MACIR: variants seen among roughly 807,000 people sequenced by gnomAD.
MACIR encodes UNC119-binding protein C5orf30.
Under a neutral mutation model 14.3 loss-of-function variants are expected in MACIR, and 4 were observed. The ratio of observed to expected loss-of-function variants is 0.28; its 90% CI spans 0.14 to 0.64. MACIR has a LOEUF of 0.64. Among genes scored for constraint, MACIR ranks in the 30% least tolerant of loss-of-function variants. The probability of loss-of-function intolerance (pLI) is 0.83; values close to 1 mark genes in which losing one functional copy is unlikely to be tolerated. For missense variants in MACIR, 228 were observed against 257.6 expected, an observed-to-expected ratio of 0.89 and a Z score of 0.79; for synonymous variants, 101 against 102.4, an observed-to-expected ratio of 0.99 and a Z score of 0.08.
At chr5:103,259,215 C>T in intron 1 of MACIR, 1 of 152,378 alleles carries the variant, frequency 6.6e-6, no homozygotes, top group Non-Finnish European at 1.5e-5. Flanking sequence ...GCGCGGGGTG[C>T]GGGGAGCTTG....
At chr5:103,261,638 T>TTTC (rs1804689234) in intron 1 of MACIR, among the ~76,000 whole-genome samples, 29 of 96,746 alleles carry the variant, frequency 3.0e-4, no homozygotes, top group Admixed American at 3.2e-4. Context: ...CTGTTTTTCT[T>TTTC]TTTCTTTCTT....
chr5:103,276,208 G>A lies in MACIR; in HGVS notation c.289G>A (p.Asp97Asn). The change falls in exon 3 of 3, where the codon GAT (aspartate) becomes AAT (asparagine). Residue 97 changes from aspartate to asparagine, a missense_variant. Asp to Asn is a conservative substitution (Grantham distance 23, BLOSUM62 1). Transcript: ENST00000319933. ...GCCATCCTTACGCTCCAAACAGCTA[G>A]ATGCAGGACTTGCCCGTTCCTCTCG... is the stretch of plus-strand genomic sequence containing the variant. ...AMPSLRSKQL[D>N]AGLARSSRLY... 1 of 1,613,666 alleles carries A rather than the reference G, an allele frequency of 6.2e-7. No homozygotes were observed. The highest frequency in any genetic ancestry group is 2.2e-5 in the East Asian group (1 of 44,868).
chr5:103,260,335 A>C (rs1554236133), intron 1 of MACIR, among the ~76,000 whole-genome samples: 1 of 152,074 alleles, frequency 6.6e-6, no homozygotes, highest in African/African-American at 2.4e-5. Context: ...ACCCTTTTGC[A>C]AAGTTTATTT....
intron 2 of MACIR, among the ~76,000 whole-genome samples, chr5:103,269,017 A>G (rs1805030055): frequency 2.0e-5 from 3 of 152,036 alleles, no homozygotes; most frequent in Non-Finnish European, 2.9e-5. Context: ...ACCAGCCTGG[A>G]CAACATAGTG....
intron 2 of MACIR, among the ~76,000 whole-genome samples, chr5:103,275,023 G>A (rs75563805): frequency 0.035 from 5,347 of 152,010 alleles, 287 homozygotes; most frequent in African/African-American, 0.12. Context: ...TGTAATAATC[G>A]TAAGGAACAA....
intron 2 of MACIR, among the ~76,000 whole-genome samples, chr5:103,271,569 G>A (rs1017609595): frequency 4.6e-5 from 7 of 152,016 alleles, no homozygotes; most frequent in African/African-American, 1.2e-4. Flanking sequence ...TTGGATCCAC[G>A]TAAATTTCAG....
At chr5:103,268,030 T>G (rs1554236865) in intron 2 of MACIR, among the ~76,000 whole-genome samples, 1 of 152,222 alleles carries the variant, frequency 6.6e-6, no homozygotes, top group African/African-American at 2.4e-5. Context: ...ACTTCATTGC[T>G]GAGTGGTATC....
At chr5:103,269,119 G>T (rs1285547904) in intron 2 of MACIR, among the ~76,000 whole-genome samples, 2 of 152,028 alleles carry the variant, frequency 1.3e-5, no homozygotes, top group East Asian at 3.9e-4. Context: ...GACGTGGGAG[G>T]ATCGCTTGAG....
intron 1 of MACIR, among the ~76,000 whole-genome samples, chr5:103,265,327 T>G (rs1554236660): frequency 1.3e-5 from 2 of 152,156 alleles, no homozygotes; most frequent in African/African-American, 4.8e-5. Context: ...ATTAATTGCA[T>G]AATAATAGCA....
At chr5:103,270,604 T>A (rs1805090560) in intron 2 of MACIR, among the ~76,000 whole-genome samples, 1 of 151,876 alleles carries the variant, frequency 6.6e-6, no homozygotes. Flanking sequence ...GTTATTGAGG[T>A]AAGAAAAAGA....
In MACIR at chr5:103,276,297, G is replaced by A. The variant is rs782168211; in HGVS notation, c.378G>A (p.Arg126=). ...AGATTCCAGCTGTCAATGGCAGGAGGCGAAGGCGGATGCCAAGCTCAGGAG... is the reference window on the plus strand; with the variant it reads ...AGATTCCAGCTGTCAATGGCAGGAGACGAAGGCGGATGCCAAGCTCAGGAG... The part of the protein sequence containing the change: ...PYEIPAVNGR[R]RRRMPSSGDK... Residue 126 remains arginine, a synonymous_variant, in exon 3 of 3, where the codon AGG becomes AGA. Coordinates refer to ENST00000319933, the MANE Select transcript of MACIR (RefSeq NM_033211.4). 6.2e-7 allele frequency: 1 copy of A among 1,612,496 alleles called. No homozygotes were observed. The highest frequency in any genetic ancestry group is 8.5e-7 in the Non-Finnish European group (1 of 1,179,788).
chr5:103,261,702 CTTCCTTTCTTTCTTT>C (rs1804729127), intron 1 of MACIR, among the ~76,000 whole-genome samples: 1 of 100,760 alleles, frequency 9.9e-6, no homozygotes, highest in South Asian at 2.8e-4. Flanking sequence ...TTCTTTCTTT[CTTCCTTTCTTTCTTT>C]CTTTCTTTCT....
intron 2 of MACIR, among the ~76,000 whole-genome samples, chr5:103,271,358 C>T (rs78626333): frequency 0.011 from 1,745 of 152,192 alleles, 35 homozygotes; most frequent in African/African-American, 0.04. Context: ...GTATTCAGAC[C>T]TATGCAGATT....
intron 2 of MACIR, among the ~76,000 whole-genome samples, chr5:103,267,992 T>A (rs532630196): frequency 6.6e-6 from 1 of 152,218 alleles, no homozygotes; most frequent in Non-Finnish European, 1.5e-5. Context: ...GTCTGCTTCT[T>A]TCACTTAATG....
At chr5:103,274,910 C>G (rs1406621253) in intron 2 of MACIR, among the ~76,000 whole-genome samples, 1 of 152,094 alleles carries the variant, frequency 6.6e-6, no homozygotes, top group East Asian at 1.9e-4. Context: ...GTCACTATTT[C>G]CCTTAGTATT....
chr5:103,263,413 C>T (rs550359960), intron 1 of MACIR, among the ~76,000 whole-genome samples: 1 of 152,230 alleles, frequency 6.6e-6, no homozygotes, highest in South Asian at 2.1e-4. Context: ...TCAGTTACTA[C>T]TCTTTGTTTA....
At chr5:103,263,382 G>A (rs372898863) in intron 1 of MACIR, among the ~76,000 whole-genome samples, 1 of 152,126 alleles carries the variant, frequency 6.6e-6, no homozygotes, top group East Asian at 1.9e-4. Context: ...TTTTGGCTTG[G>A]CACTGGCATA....
In MACIR at chr5:103,276,432, CAATCTAGATAA is replaced by C; in HGVS notation, c.517_527del (p.Leu173AspfsTer6). ...CTCACTCCAAATCTCTGGACTACCT[CAATCTAGATAA>C]AATGATCAAGGAGCCAGCTGATACA... On this transcript the variant is annotated frameshift_variant, in exon 3 of 3. Coordinates refer to ENST00000319933, the MANE Select transcript of MACIR (RefSeq NM_033211.4). LOFTEE classifies it high-confidence loss of function. The C allele has an allele frequency of 6.2e-7, 1 of 1,614,018 alleles. No individual in the cohort carries two copies. Among genetic ancestry groups the C allele is most frequent in the Non-Finnish European group, 8.5e-7 (1 of 1,179,992 alleles).
rs548708072 is a variant in MACIR, at chr5:103,278,422, C to G, written c.*1882C>G. 6 of 167,218 alleles carry G rather than the reference C, an allele frequency of 3.6e-5. No individual in the cohort carries two copies. Among genetic ancestry groups the G allele is most frequent in the Admixed American group, 2.0e-4 (3 of 15,304 alleles). 10.4% of individuals were successfully genotyped at this position (167,218 alleles called of 1,614,324 possible). On this transcript the variant is annotated 3_prime_UTR_variant, in exon 3 of 3. Transcript: ENST00000319933. Reference sequence around the variant, plus strand: ...AGGTCCACTATCAACAGGCTACTTACTGTTCAAGAATTCCACTGAAGCACT... The same window carrying G: ...AGGTCCACTATCAACAGGCTACTTAGTGTTCAAGAATTCCACTGAAGCACT...
Sources: allele counts gnomAD v4.1 joint callset (sites outside exome capture counted in the v4.1 genomes callset), GRCh38; gene constraint gnomAD v4.1.1; transcripts MANE v1.5; gene names NCBI Gene and HGNC (gene_info 2026-07-23, HGNC 2026-07-21).